The following TLR6 variants were observed in gnomAD, a reference collection of about 807,000 sequenced individuals.
TLR6 encodes the protein toll like receptor 6.
In TLR6, 9 loss-of-function variants were observed where a neutral mutation model predicts 16.1. The ratio of observed to expected loss-of-function variants is 0.56; its 90% CI spans 0.34 to 0.98. TLR6 has a LOEUF of 0.98. Ranked by LOEUF, TLR6 falls within the 50% of genes least tolerant of loss-of-function variation. The probability of loss-of-function intolerance (pLI) is 0.02; values close to 1 mark genes in which losing one functional copy is unlikely to be tolerated. For synonymous variants in TLR6, 340 were observed against 338.6 expected (o/e 1.00, Z -0.04); for missense variants, 786 against 921.0 (o/e 0.85, Z 1.90).
At chr4:38,867,670 T>C in the TLR6 span, 1 of 150,922 alleles carries the variant, frequency 6.6e-6, no homozygotes, top group Non-Finnish European at 1.5e-5. Flanking sequence ...CCTCGCAGCG[T>C]GGGGGTGGCC....
exon 2 of TLR6, chr4:38,827,019 G>A (rs1159047017): frequency 4.5e-5 from 57 of 1,272,368 alleles, no homozygotes; most frequent in Admixed American, 3.2e-4. Context: ...AGTTACTTAC[G>A]ACTGTACTAT....
chr4:38,861,382 T>C (rs73811238), upstream of TLR6, among the ~76,000 whole-genome samples: 4,715 of 152,198 alleles, frequency 0.031, 209 homozygotes, highest in African/African-American at 0.085. Flanking sequence ...TTATTAGCAA[T>C]GGCTGCACCC....
intron 1 of TLR6, among the ~76,000 whole-genome samples, chr4:38,842,813 C>T (rs1376028615): frequency 1.3e-5 from 2 of 152,060 alleles, no homozygotes; most frequent in Non-Finnish European, 2.9e-5. Flanking sequence ...TTCGAAGAGA[C>T]ACAAACATTC....
chr4:38,832,899 T>A (rs1360862811), intron 1 of TLR6, among the ~76,000 whole-genome samples: 5 of 152,128 alleles, frequency 3.3e-5, no homozygotes, highest in Non-Finnish European at 7.4e-5. Flanking sequence ...CCACCGCCAC[T>A]TACAGCAACC....
chr4:38,836,662 G>A (rs1392032878), intron 1 of TLR6, among the ~76,000 whole-genome samples: 1 of 152,152 alleles, frequency 6.6e-6, no homozygotes, highest in Non-Finnish European at 1.5e-5. Context: ...ACAAGGACTG[G>A]GTGTGGTGAC....
At chr4:38,838,469 T>C (rs1299189583) in intron 1 of TLR6, among the ~76,000 whole-genome samples, 1 of 152,220 alleles carries the variant, frequency 6.6e-6, no homozygotes, top group African/African-American at 2.4e-5. Flanking sequence ...CTGGAGGTCA[T>C]TACATTAGCA....
At chr4:38,837,992 A>G (rs1002535721) in intron 1 of TLR6, among the ~76,000 whole-genome samples, 1 of 152,240 alleles carries the variant, frequency 6.6e-6, no homozygotes, top group African/African-American at 2.4e-5. Flanking sequence ...GTTATATGAA[A>G]AAAATGCTCA....
intron 1 of TLR6, among the ~76,000 whole-genome samples, chr4:38,853,432 T>G (rs1712850429): frequency 6.6e-6 from 1 of 151,000 alleles, no homozygotes; most frequent in African/African-American, 2.4e-5. Flanking sequence ...TTAACCACTG[T>G]AATAAAGAAA....
rs999702918 is a variant in TLR6 at position 38,854,549 on chromosome 4, A to G, written c.-65+2212T>C. ...GGCAAGATTTTTTTTTCACCTATCAAATAGGGAAAATTAAAAAATATAATA... is the reference window on the plus strand; with the variant it reads ...GGCAAGATTTTTTTTTCACCTATCAGATAGGGAAAATTAAAAAATATAATA... On this transcript the variant is annotated intron_variant, in intron 1 of 1. Coordinates refer to ENST00000436693, the Ensembl canonical transcript of TLR6. Among the ~76,000 whole-genome samples, 6 of 152,288 alleles carry G rather than the reference A, an allele frequency of 3.9e-5. No individual in the cohort carries two copies. In the East Asian group the frequency reaches 9.6e-4, roughly 24 times the overall value.
chr4:38,840,611 G>A (rs1201658095), intron 1 of TLR6, among the ~76,000 whole-genome samples: 1 of 149,898 alleles, frequency 6.7e-6, no homozygotes, highest in Non-Finnish European at 1.5e-5. Context: ...TCCAGCCTGG[G>A]TGACAGGGCA....
chr4:38,848,054 TCACATGGCCA>T (rs1243164451), intron 1 of TLR6, among the ~76,000 whole-genome samples: 2 of 152,170 alleles, frequency 1.3e-5, no homozygotes, highest in African/African-American at 4.8e-5. Context: ...GACTGATACC[TCACATGGCCA>T]GGTACCCCTC....
chr4:38,852,659 T>C (rs1659290016), intron 1 of TLR6, among the ~76,000 whole-genome samples: 1 of 151,558 alleles, frequency 6.6e-6, no homozygotes. Context: ...ATCAGAGAAA[T>C]GCAAATCAAA....
intron 1 of TLR6, among the ~76,000 whole-genome samples, chr4:38,830,130 A>C (rs1353788662): frequency 6.6e-6 from 1 of 152,224 alleles, no homozygotes; most frequent in Non-Finnish European, 1.5e-5. Context: ...CCATGCATGC[A>C]GAAAGTGAAG....
intron 1 of TLR6, among the ~76,000 whole-genome samples, chr4:38,854,329 T>C (rs557768621): frequency 2.0e-5 from 3 of 152,244 alleles, no homozygotes; most frequent in Non-Finnish European, 4.4e-5. Context: ...CATTAGATGC[T>C]ATTAAGAAAT....
intron 1 of TLR6, among the ~76,000 whole-genome samples, chr4:38,836,523 G>A (rs1046333389): frequency 2.0e-5 from 3 of 152,132 alleles, no homozygotes; most frequent in East Asian, 3.8e-4. Context: ...AGGACTGGAT[G>A]GCTTTACTGC....
intron 1 of TLR6, among the ~76,000 whole-genome samples, chr4:38,850,202 C>G (rs1712708391): frequency 6.6e-6 from 1 of 152,164 alleles, no homozygotes; most frequent in African/African-American, 2.4e-5. Flanking sequence ...ACACAACATA[C>G]CACAATCTCA....
chr4:38,853,596 A>T (rs1712855981), intron 1 of TLR6, among the ~76,000 whole-genome samples: 1 of 152,210 alleles, frequency 6.6e-6, no homozygotes, highest in African/African-American at 2.4e-5. Context: ...AAAATAAATT[A>T]TTATCATTAC....
intron 1 of TLR6, among the ~76,000 whole-genome samples, chr4:38,848,460 C>G (rs1413607871): frequency 6.6e-6 from 1 of 152,064 alleles, no homozygotes; most frequent in African/African-American, 2.4e-5. Context: ...TGAGAGATGG[C>G]TTCAGACGAT....
chr4:38,833,338 G>C (rs1037019699), intron 1 of TLR6, among the ~76,000 whole-genome samples: 8 of 152,232 alleles, frequency 5.3e-5, no homozygotes, highest in Admixed American at 6.5e-5. Flanking sequence ...TGTTGCCTGA[G>C]AACAGGCCTG....
Sources: gnomAD v4.1 joint callset for allele counts (sites outside exome capture counted in the v4.1 genomes callset) on GRCh38, gnomAD v4.1.1 for gene constraint, MANE v1.5 for transcripts, NCBI Gene and HGNC (gene_info 2026-07-23, HGNC 2026-07-21) for gene names.